The following BLTP3A variants were observed in gnomAD, a reference collection of about 807,000 sequenced individuals.
The protein encoded by BLTP3A is ICBP90 binding protein 1.
At chr6:34,834,108 A>G in the BLTP3A span, 1 of 1,231,154 alleles carries the variant, frequency 8.1e-7, no homozygotes, top group Non-Finnish European at 1.1e-6. Flanking sequence ...TCTCAAAAAA[A>G]TAAAAAGACT....
the BLTP3A span, among the ~76,000 whole-genome samples, chr6:34,801,549 G>C: frequency 6.6e-6 from 1 of 152,148 alleles, no homozygotes; most frequent in Non-Finnish European, 1.5e-5. Flanking sequence ...GTGTCCTGCA[G>C]TACATGGAAT....
At chr6:34,840,833 C>T in the BLTP3A span, among the ~76,000 whole-genome samples, 1 of 151,812 alleles carries the variant, frequency 6.6e-6, no homozygotes, top group Non-Finnish European at 1.5e-5. Flanking sequence ...AACCAGGATG[C>T]TCTCGATTCC....
chr6:34,835,537 G>T, the BLTP3A span: 1 of 1,487,438 alleles, frequency 6.7e-7, no homozygotes, highest in Non-Finnish European at 9.0e-7. Flanking sequence ...ACTAATGTAG[G>T]TGGAATCTAG....
the BLTP3A span, among the ~76,000 whole-genome samples, chr6:34,801,026 G>T: frequency 2.0e-5 from 3 of 152,146 alleles, no homozygotes; most frequent in Admixed American, 2.0e-4. Context: ...TACAGCCACC[G>T]CATCTGGCTA....
At chr6:34,816,445 A>G in the BLTP3A span, among the ~76,000 whole-genome samples, 1 of 151,990 alleles carries the variant, frequency 6.6e-6, no homozygotes, top group Non-Finnish European at 1.5e-5. Flanking sequence ...CCCCATCTCT[A>G]CAAAAAATAA....
chr6:34,807,328 G>A, the BLTP3A span, among the ~76,000 whole-genome samples: 1 of 152,120 alleles, frequency 6.6e-6, no homozygotes, highest in Non-Finnish European at 1.5e-5. Context: ...GCGGGTAGAG[G>A]GTTGCTATCC....
chr6:34,834,560 C>T, the BLTP3A span, among the ~76,000 whole-genome samples: 1 of 152,282 alleles, frequency 6.6e-6, no homozygotes, highest in East Asian at 1.9e-4. Context: ...CTGCTACATC[C>T]TTTCCTCAAT....
At chr6:34,818,929 A>G in the BLTP3A span, among the ~76,000 whole-genome samples, 1 of 152,204 alleles carries the variant, frequency 6.6e-6, no homozygotes, top group Admixed American at 6.6e-5. Context: ...AAACACTAAA[A>G]CATAGTTTAG....
At chr6:34,848,192 A>T in the BLTP3A span, among the ~76,000 whole-genome samples, 1 of 149,938 alleles carries the variant, frequency 6.7e-6, no homozygotes, top group East Asian at 2.0e-4. Flanking sequence ...AAATGCTAGG[A>T]TTATAGGCTT....
chr6:34,862,076 T>A, the BLTP3A span, among the ~76,000 whole-genome samples: 1 of 152,172 alleles, frequency 6.6e-6, no homozygotes, highest in East Asian at 1.9e-4. Context: ...AAATCTTTCT[T>A]TAGAATAAAA....
chr6:34,812,002 C>T, the BLTP3A span, among the ~76,000 whole-genome samples: 10,678 of 151,824 alleles, frequency 0.07, 566 homozygotes, highest in East Asian at 0.33. Context: ...ACTCCAGCTT[C>T]GGTAACAGTG....
chr6:34,859,489 T>G, the BLTP3A span: 1 of 1,614,160 alleles, frequency 6.2e-7, no homozygotes, highest in East Asian at 2.2e-5. Flanking sequence ...GGAAGCTGTG[T>G]CCCTGACTAA....
the BLTP3A span, among the ~76,000 whole-genome samples, chr6:34,807,549 G>A: frequency 5.9e-5 from 9 of 152,296 alleles, no homozygotes; most frequent in Non-Finnish European, 1.3e-4. Flanking sequence ...CTACTGTTGC[G>A]AATTAAGAAA....
chr6:34,871,912 T>C, the BLTP3A span: 3 of 1,612,498 alleles, frequency 1.9e-6, no homozygotes, highest in Admixed American at 5.0e-5. Flanking sequence ...ACAGGAGAGG[T>C]TTTTGAACAG....
the BLTP3A span, among the ~76,000 whole-genome samples, chr6:34,846,772 A>G: frequency 1.3e-5 from 2 of 152,102 alleles, no homozygotes; most frequent in Non-Finnish European, 2.9e-5. Context: ...CTGTTGTCTA[A>G]TTGTTCTAGC....
the BLTP3A span, among the ~76,000 whole-genome samples, chr6:34,817,979 G>A: frequency 4.0e-5 from 6 of 151,796 alleles, no homozygotes; most frequent in South Asian, 1.2e-3. Context: ...TCAGCTTCCC[G>A]ATTAGCTGGG....
chr6:34,813,517 C>G, the BLTP3A span, among the ~76,000 whole-genome samples: 5 of 152,194 alleles, frequency 3.3e-5, no homozygotes, highest in African/African-American at 1.2e-4. Flanking sequence ...TTTTTCCAAC[C>G]TGATTTCATC....
At chr6:34,846,301 C>T in the BLTP3A span, among the ~76,000 whole-genome samples, 62 of 151,820 alleles carry the variant, frequency 4.1e-4, no homozygotes, top group African/African-American at 1.4e-3. Flanking sequence ...CCCACCACCA[C>T]GCCTAGCTAA....
the BLTP3A span, chr6:34,836,121 T>A: frequency 6.2e-7 from 1 of 1,601,934 alleles, no homozygotes; most frequent in Non-Finnish European, 8.5e-7. Context: ...CTTTTCAGGG[T>A]CTGGACTTCC....
Sources: gnomAD v4.1 joint callset for allele counts (sites outside exome capture counted in the v4.1 genomes callset) on GRCh38, gnomAD v4.1.1 for gene constraint, MANE v1.5 for transcripts, NCBI Gene and HGNC (gene_info 2026-07-23, HGNC 2026-07-21) for gene names.